Variants in CDIN1 observed in about 807,000 individuals in gnomAD.
CDIN1 encodes the protein CDAN1 interacting nuclease 1.
Under a neutral mutation model 45.3 loss-of-function variants are expected in CDIN1, and 33 were observed. The ratio of observed to expected loss-of-function variants is 0.73; its 90% confidence interval spans 0.55 to 0.97. The LOEUF is 0.97. Ranked by LOEUF, CDIN1 falls within the 50% of genes least tolerant of loss-of-function variation. The probability of loss-of-function intolerance (pLI) is 0.00; values close to 1 mark genes in which losing one functional copy is unlikely to be tolerated. For synonymous variants in CDIN1, 118 were observed against 124.4 expected (o/e 0.95, Z 0.34); for missense variants, 303 against 339.4 (o/e 0.89, Z 0.84).
intron 10 of CDIN1, among the ~76,000 whole-genome samples, chr15:36,753,827 C>G (rs1006583442): frequency 1.3e-5 from 2 of 151,850 alleles, no homozygotes; most frequent in African/African-American, 4.8e-5. Flanking sequence ...CCCTTTTCAC[C>G]CCCCAGAAAA....
At chr15:36,681,164 T>A (rs1196048474) in intron 5 of CDIN1, among the ~76,000 whole-genome samples, 1 of 152,010 alleles carries the variant, frequency 6.6e-6, no homozygotes, top group Non-Finnish European at 1.5e-5. Context: ...ATATATAAAC[T>A]GAGTAAATAA....
intron 5 of CDIN1, among the ~76,000 whole-genome samples, chr15:36,669,644 G>T (rs1277307013): frequency 2.0e-5 from 3 of 152,016 alleles, no homozygotes; most frequent in African/African-American, 7.2e-5. Flanking sequence ...CCCAATCCAG[G>T]ATTCCACATT....
rs527806180 is a variant in CDIN1 at position 36,751,446 on chromosome 15, A to G, written c.716+41485A>G. On this transcript the variant is annotated intron_variant, in intron 10 of 10. Transcript: ENST00000566621. ...CAGCAGCTCACGCCTATAATACCAA[A>G]ACTTTAGGAGGCCAAGGTGTGTGGA... Among the ~76,000 whole-genome samples the G allele has an allele frequency of 1.9e-3, 284 of 151,574 alleles. 1 individual carries two copies. The highest frequency in any genetic ancestry group is 6.4e-3 in the African/African-American group (263 of 41,298).
intron 1 of CDIN1, among the ~76,000 whole-genome samples, chr15:36,621,272 G>A (rs2039174501): frequency 8.5e-5 from 13 of 152,118 alleles, no homozygotes; most frequent in Admixed American, 8.5e-4. Context: ...GTAAATAGTG[G>A]TTAAAATTAC....
At chr15:36,702,106 A>G (rs780942010) in intron 8 of CDIN1, 1 of 702,214 alleles carries the variant, frequency 1.4e-6, no homozygotes, top group South Asian at 1.5e-5. Context: ...AAGAGACCAG[A>G]AATGGAACAT....
At chr15:36,601,581 G>C (rs974443191) in intron 1 of CDIN1, among the ~76,000 whole-genome samples, 1 of 152,176 alleles carries the variant, frequency 6.6e-6, no homozygotes, top group Non-Finnish European at 1.5e-5. Context: ...CTAACTACTT[G>C]TGTGATTTCT....
At chr15:36,588,037 A>G (rs1043486769) in intron 1 of CDIN1, among the ~76,000 whole-genome samples, 1 of 152,190 alleles carries the variant, frequency 6.6e-6, no homozygotes, top group Non-Finnish European at 1.5e-5. Context: ...AGTAGAAGAA[A>G]TGTCTGAGCA....
At chr15:36,802,184 A>T (rs1456353185) in intron 10 of CDIN1, among the ~76,000 whole-genome samples, 2 of 152,186 alleles carry the variant, frequency 1.3e-5, no homozygotes, top group African/African-American at 4.8e-5. Context: ...CAGTTTCTTC[A>T]TCTGTAAAAT....
chr15:36,750,271 C>G (rs2053424653), intron 10 of CDIN1, among the ~76,000 whole-genome samples: 1 of 152,112 alleles, frequency 6.6e-6, no homozygotes, highest in African/African-American at 2.4e-5. Context: ...TGAAACAGTG[C>G]AATTTTACTC....
chr15:36,657,894 AG>A lies in CDIN1; in HGVS notation c.337del (p.Glu113LysfsTer9). On this transcript the variant is annotated frameshift_variant, in exon 5 of 11. Transcript: ENST00000566621. LOFTEE classifies it high-confidence loss of function. ...LILERFLQEH[E>X]ETPPSKSIIN... ...CTGGAGAGGTTTCTACAGGAACACG[AG>A]GAAACTCCACGTGAGTTACCCTTTT... 1.2e-6 allele frequency: 2 copies of A among 1,611,382 alleles called. No homozygotes were observed. Among genetic ancestry groups the A allele is most frequent in the Non-Finnish European group, 1.7e-6 (2 of 1,178,566 alleles).
At chr15:36,791,720 C>G (rs1046396506) in intron 10 of CDIN1, among the ~76,000 whole-genome samples, 4 of 151,946 alleles carry the variant, frequency 2.6e-5, no homozygotes, top group African/African-American at 9.7e-5. Context: ...CTTCCTGTTT[C>G]CTTCAACAAG....
chr15:36,800,901 G>GTATATATATATA (rs1566984259), intron 10 of CDIN1, among the ~76,000 whole-genome samples: 1 of 22,374 alleles, frequency 4.5e-5, no homozygotes, highest in African/African-American at 1.2e-4. Flanking sequence ...GTGTGTGTGT[G>GTATATATATATA]TGTGTGTGTA....
At chr15:36,702,400 T>C (rs1222063759) in intron 8 of CDIN1, among the ~76,000 whole-genome samples, 1 of 152,222 alleles carries the variant, frequency 6.6e-6, no homozygotes, top group Non-Finnish European at 1.5e-5. Flanking sequence ...TGCTGGAAGA[T>C]GAAATGCTTT....
intron 1 of CDIN1, among the ~76,000 whole-genome samples, chr15:36,590,769 T>C (rs1218602879): frequency 2.0e-5 from 3 of 152,230 alleles, no homozygotes; most frequent in Non-Finnish European, 2.9e-5. Context: ...TAGCAGACCA[T>C]TGATATTTAC....
chr15:36,738,110 A>G (rs1056645198), intron 10 of CDIN1, among the ~76,000 whole-genome samples: 6 of 152,110 alleles, frequency 3.9e-5, no homozygotes, highest in African/African-American at 1.4e-4. Context: ...CCAGAGCTCA[A>G]CATTTCATCC....
intron 10 of CDIN1, among the ~76,000 whole-genome samples, chr15:36,726,323 A>G (rs1004632393): frequency 1.4e-4 from 21 of 152,110 alleles, no homozygotes; most frequent in East Asian, 1.9e-4. Context: ...TTCTGTCTAC[A>G]TTACCACTCG....
chr15:36,691,123 C>T (rs185889188), intron 5 of CDIN1: 1 of 516,982 alleles, frequency 1.9e-6, no homozygotes, highest in Admixed American at 2.0e-5. Context: ...ACCTACTTTC[C>T]TCACTTGTGG....
intron 5 of CDIN1, among the ~76,000 whole-genome samples, chr15:36,683,346 A>C (rs868501110): frequency 7.8e-6 from 1 of 127,548 alleles, no homozygotes; most frequent in Non-Finnish European, 1.6e-5. Context: ...TCCTTTCCCC[A>C]TTGCTTGTTT....
intron 1 of CDIN1, among the ~76,000 whole-genome samples, chr15:36,586,593 C>G (rs1004983370): frequency 6.6e-6 from 1 of 152,124 alleles, no homozygotes; most frequent in Non-Finnish European, 1.5e-5. Context: ...ACAGCAACAA[C>G]AATAACAACA....
Sources: allele counts gnomAD v4.1 joint callset (sites outside exome capture counted in the v4.1 genomes callset), GRCh38; gene constraint gnomAD v4.1.1; transcripts MANE v1.5; gene names NCBI Gene and HGNC (gene_info 2026-07-23, HGNC 2026-07-21).